Variants in SAMMSON observed in about 807,000 individuals in gnomAD.
SAMMSON encodes survival associated mitochondrial melanoma specific oncogenic non-coding RNA.
chr3:70,262,328 G>A (rs1701874671), intron 6 of SAMMSON, among the ~76,000 whole-genome samples: 1 of 152,174 alleles, frequency 6.6e-6, no homozygotes, highest in Admixed American at 6.6e-5. Context: ...AGAAAATGAT[G>A]CATTGCTGAG....
intron 6 of SAMMSON, among the ~76,000 whole-genome samples, chr3:70,282,559 A>C (rs1702098325): frequency 2.0e-5 from 3 of 152,136 alleles, no homozygotes; most frequent in Non-Finnish European, 2.9e-5. Context: ...TGAACATTCC[A>C]AGCAGTCTCC....
intron 4 of SAMMSON, among the ~76,000 whole-genome samples, chr3:70,210,964 A>G (rs1478454814): frequency 1.3e-5 from 2 of 152,120 alleles, no homozygotes; most frequent in African/African-American, 2.4e-5. Context: ...AGATGAATCA[A>G]TGTGACAGGA....
intron 3 of SAMMSON, among the ~76,000 whole-genome samples, chr3:70,017,286 T>G (rs2066990178): frequency 6.6e-6 from 1 of 152,152 alleles, no homozygotes; most frequent in Non-Finnish European, 1.5e-5. Context: ...GTAGTTCTCC[T>G]TGAAGAGGTC....
At chr3:70,353,121 A>T (rs1367212798) in intron 7 of SAMMSON, among the ~76,000 whole-genome samples, 2 of 152,046 alleles carry the variant, frequency 1.3e-5, no homozygotes, top group Non-Finnish European at 2.9e-5. Flanking sequence ...TAGAATACCC[A>T]TTTAAAACTG....
In SAMMSON at chr3:70,050,171, T is replaced by C. The variant is rs2067141087; in HGVS notation, n.418-21305T>C. On this transcript the variant is annotated intron_variant and non_coding_transcript_variant, in intron 3 of 9. Coordinates refer to ENST00000642114, the Ensembl canonical transcript of SAMMSON. ...CCCCACCGTGGCATTGTGATCTATA[T>C]TACTGAAACACAGAGGCCTTGTCAC... 1.3e-5 allele frequency among the ~76,000 whole-genome samples: 2 copies of C among 152,138 alleles called. 1 individual carries two copies. Among genetic ancestry groups the C allele is most frequent in the Admixed American group, 1.3e-4 (2 of 15,268 alleles).
chr3:70,146,684 T>TA (rs2067550398), intron 4 of SAMMSON, among the ~76,000 whole-genome samples: 1 of 151,972 alleles, frequency 6.6e-6, no homozygotes, highest in African/African-American at 2.4e-5. Flanking sequence ...ATCTATTTTT[T>TA]AAAAAACCTA....
At chr3:70,414,031 G>C (rs1371390008) in intron 2 of SAMMSON, among the ~76,000 whole-genome samples, 1 of 152,082 alleles carries the variant, frequency 6.6e-6, no homozygotes, top group Non-Finnish European at 1.5e-5. Flanking sequence ...GTAGAAAAGA[G>C]CTTAATAAAT....
intron 4 of SAMMSON, among the ~76,000 whole-genome samples, chr3:70,106,974 C>A (rs2067369434): frequency 6.6e-6 from 1 of 152,328 alleles, no homozygotes; most frequent in South Asian, 2.1e-4. Context: ...GTGACATCCA[C>A]AACTCACATT....
rs528862122 is a variant in SAMMSON at position 70,159,229 on chromosome 3, G to A, written n.507+87664G>A. ...TAGGGTACATGTGCACAATGTGCAG[G>A]TTTGTTACATATGTATACATGTGCC... On this transcript the variant is annotated intron_variant and non_coding_transcript_variant, in intron 4 of 9. Coordinates refer to ENST00000642114, the Ensembl canonical transcript of SAMMSON. Among the ~76,000 whole-genome samples, 103 of 151,816 alleles carry A rather than the reference G, an allele frequency of 6.8e-4. 1 individual carries two copies. The highest frequency in any genetic ancestry group is 1.7e-3 in the Admixed American group (26 of 15,226).
At chr3:70,035,132 C>T (rs1576103908) in intron 3 of SAMMSON, among the ~76,000 whole-genome samples, 1 of 151,928 alleles carries the variant, frequency 6.6e-6, no homozygotes, top group East Asian at 1.9e-4. Context: ...CACTTCGGGC[C>T]CATCCAGGTT....
intron 9 of SAMMSON, among the ~76,000 whole-genome samples, chr3:70,365,449 T>C (rs1387399731): frequency 6.6e-6 from 1 of 151,726 alleles, no homozygotes; most frequent in Non-Finnish European, 1.5e-5. Context: ...TTAGACTCAA[T>C]ATGAATTATG....
intron 4 of SAMMSON, among the ~76,000 whole-genome samples, chr3:70,132,161 G>T (rs938310748): frequency 6.6e-6 from 1 of 152,062 alleles, no homozygotes; most frequent in African/African-American, 2.4e-5. Context: ...TTGAAAGACT[G>T]GGTCCTCCAC....
chr3:70,055,995 C>T (rs2067165299), intron 3 of SAMMSON, among the ~76,000 whole-genome samples: 1 of 152,062 alleles, frequency 6.6e-6, no homozygotes, highest in African/African-American at 2.4e-5. Flanking sequence ...TTGTCTCACT[C>T]TCTGAAAGAA....
downstream of SAMMSON, among the ~76,000 whole-genome samples, chr3:70,393,399 G>C (rs905585550): frequency 1.3e-4 from 20 of 152,270 alleles, no homozygotes; most frequent in Middle Eastern, 3.4e-3. Flanking sequence ...TTCAACAAAT[G>C]GTGGTTATTT....
Position 70,079,438 on chromosome 3 carries a change from T to C in SAMMSON, n.507+7873T>C, listed in dbSNP as rs531914698. On this transcript the variant is annotated intron_variant and non_coding_transcript_variant, in intron 4 of 9. Coordinates refer to ENST00000642114, the Ensembl canonical transcript of SAMMSON. ...ATGGATGGACCCTGACTTATGATGG[T>C]GTGACTTATGATTTTTTTGACTTCA... Among the ~76,000 whole-genome samples, 151 of 152,222 alleles carry C rather than the reference T, an allele frequency of 9.9e-4. 4 individuals carry two copies. The South Asian group carries it at 0.031, about 31-fold the overall frequency.
chr3:70,307,329 G>C (rs1017375928), intron 7 of SAMMSON, among the ~76,000 whole-genome samples: 1 of 152,034 alleles, frequency 6.6e-6, no homozygotes, highest in African/African-American at 2.4e-5. Flanking sequence ...CACTTCAAAC[G>C]CTGACAATGC....
chr3:70,189,968 G>C (rs1270721688), intron 4 of SAMMSON, among the ~76,000 whole-genome samples: 1 of 152,112 alleles, frequency 6.6e-6, no homozygotes, highest in East Asian at 1.9e-4. Flanking sequence ...AATTGGATTT[G>C]TTCCCCTGGA....
chr3:70,030,571 G>A (rs2067060940), intron 3 of SAMMSON: 1 of 152,072 alleles, frequency 6.6e-6, no homozygotes, highest in African/African-American at 2.4e-5. Context: ...GTTATTAATG[G>A]CCTCATTTTT....
chr3:70,373,838 G>C (rs1180609505), intron 9 of SAMMSON, among the ~76,000 whole-genome samples: 1 of 151,998 alleles, frequency 6.6e-6, no homozygotes, highest in Non-Finnish European at 1.5e-5. Context: ...TCTGTAGAAA[G>C]ATATCTTTCA....
Sources: gnomAD v4.1 joint callset for allele counts (sites outside exome capture counted in the v4.1 genomes callset) on GRCh38, gnomAD v4.1.1 for gene constraint, MANE v1.5 for transcripts, NCBI Gene and HGNC (gene_info 2026-07-23, HGNC 2026-07-21) for gene names.